The following CACNA1C variants were observed in gnomAD, a reference collection of about 807,000 sequenced individuals.
CACNA1C encodes the protein voltage-dependent L-type calcium channel subunit alpha-1C.
CACNA1C carries 30 observed loss-of-function variants against 229.0 expected under a neutral mutation model. That is an observed-to-expected ratio of 0.13 (90% CI 0.10 to 0.18). CACNA1C has a LOEUF of 0.18. Among genes scored for constraint, CACNA1C ranks in the 10% least tolerant of loss-of-function variants. CACNA1C has a pLI of 1.00. For synonymous variants in CACNA1C, 1,114 were observed against 1,132.5 expected, an observed-to-expected ratio of 0.98 and a Z score of 0.33; for missense variants, 1,658 against 2,845.0, an observed-to-expected ratio of 0.58 and a Z score of 9.49.
intron 1 of CACNA1C, among the ~76,000 whole-genome samples, chr12:2,103,817 C>T (rs1345516161): frequency 6.6e-6 from 1 of 152,174 alleles, no homozygotes; most frequent in African/African-American, 2.4e-5. Context: ...TTTCCAACAC[C>T]ATTTATTAAA....
rs757399637 is a variant in CACNA1C, at chr12:2,575,088, C to G, written c.1896-6502C>G. Among the ~76,000 whole-genome samples, 1 of 152,214 alleles carries G rather than the reference C, an allele frequency of 6.6e-6. No individual in the cohort carries two copies. Among genetic ancestry groups the G allele is most frequent in the African/African-American group, 2.4e-5 (1 of 41,454 alleles). ...CAGGTCCAGGCCAGACCACCTTGCC[C>G]GCTTGACCAGGTTACACTCCCCATG... On this transcript the variant is annotated intron_variant, in intron 13 of 46. Coordinates refer to ENST00000399655, the MANE Select transcript of CACNA1C (RefSeq NM_000719.7). This position sits in a 1 kb window ranked among gnomAD's most constrained non-coding sequence, Gnocchi z 4.0.
intron 34 of CACNA1C, among the ~76,000 whole-genome samples, chr12:2,664,331 G>C (rs1284743779): frequency 6.6e-6 from 1 of 152,154 alleles, no homozygotes; most frequent in East Asian, 1.9e-4. Context: ...GGAATATCTA[G>C]TAAAAATAAA....
intron 19 of CACNA1C, 45 bp downstream of exon 19, chr12:2,593,390 A>G (rs2066415043): frequency 6.2e-7 from 1 of 1,605,200 alleles, no homozygotes; most frequent in Non-Finnish European, 8.5e-7. Flanking sequence ...TCTCTCTAGT[A>G]CCAGCCTGGC....
chr12:2,292,116 C>T (rs1332216517), intron 3 of CACNA1C, among the ~76,000 whole-genome samples: 1 of 152,224 alleles, frequency 6.6e-6, no homozygotes, highest in Admixed American at 6.5e-5. Flanking sequence ...TGAAGCACTA[C>T]TAAGTGCCAG....
intron 3 of CACNA1C, among the ~76,000 whole-genome samples, chr12:2,253,888 ATTT>A (rs2076467863): frequency 2.6e-5 from 4 of 152,176 alleles, no homozygotes; most frequent in African/African-American, 9.7e-5. Flanking sequence ...CACATGCCTG[ATTT>A]ATGGGATCAC....
chr12:2,068,749 C>T (rs147603432), intron 1 of CACNA1C, among the ~76,000 whole-genome samples: 280 of 152,342 alleles, frequency 1.8e-3, no homozygotes, highest in African/African-American at 6.2e-3. Flanking sequence ...CATCTCACCC[C>T]GTCTGGCCTC....
chr12:2,548,085 TG>T (rs2099885161), intron 9 of CACNA1C, among the ~76,000 whole-genome samples: 1 of 134,380 alleles, frequency 7.4e-6, no homozygotes, highest in South Asian at 2.8e-4. Context: ...AAAAAACCTT[TG>T]GGCTGAGATG....
At position 2,072,222 on chromosome 12, in the gene CACNA1C, A is replaced by G. The variant is rs192452654; in HGVS notation, c.49+18611A>G. Among the ~76,000 whole-genome samples the G allele has an allele frequency of 4.3e-3, 658 of 151,962 alleles. 3 individuals are homozygous for G. The highest frequency in any genetic ancestry group is 7.2e-3 in the Non-Finnish European group (492 of 67,986). On this transcript the variant is annotated intron_variant, in intron 1 of 46. Transcript: ENST00000399655. ...AAAAAATATATATATATTTGGAAAC[A>G]GAGTCTCGCTGTGTCACCCAGGCTG...
At chr12:2,511,134 A>G (rs1425917634) in intron 8 of CACNA1C, among the ~76,000 whole-genome samples, 1 of 152,240 alleles carries the variant, frequency 6.6e-6, no homozygotes, top group African/African-American at 2.4e-5. Context: ...GATTCAATCA[A>G]ATTTAAGAAG....
chr12:2,500,214 G>C (rs2099756152), intron 7 of CACNA1C, among the ~76,000 whole-genome samples: 1 of 152,204 alleles, frequency 6.6e-6, no homozygotes, highest in Admixed American at 6.5e-5. Context: ...AAGCAGCAGT[G>C]TGGGACGGCG....
At chr12:2,446,235 G>A (rs74721125) in intron 3 of CACNA1C, among the ~76,000 whole-genome samples, 15,606 of 101,242 alleles carry the variant, frequency 0.15, 976 homozygotes, top group African/African-American at 0.27. Flanking sequence ...GGATGGATGG[G>A]TAGGTGGGTG....
intron 5 of CACNA1C, among the ~76,000 whole-genome samples, chr12:2,466,282 A>G (rs796413551): frequency 2.3e-4 from 35 of 152,286 alleles, no homozygotes; most frequent in African/African-American, 8.4e-4. Context: ...CAGATTTGCA[A>G]TCCCATCGTG....
intron 5 of CACNA1C, 117 bp from the exon 6 acceptor site, chr12:2,485,987 A>T: frequency 6.3e-6 from 5 of 788,686 alleles, no homozygotes; most frequent in Non-Finnish European, 9.6e-6. Flanking sequence ...CAGTCTTCTC[A>T]TCTAAACAAC....
chr12:2,431,755 C>A (rs950895928), intron 3 of CACNA1C, among the ~76,000 whole-genome samples: 2 of 152,132 alleles, frequency 1.3e-5, no homozygotes, highest in African/African-American at 4.8e-5. Flanking sequence ...TACTTCATTC[C>A]CCTGATGTTA....
At position 2,326,489 on chromosome 12, in the gene CACNA1C, C is replaced by T. The variant is rs377672931; in HGVS notation, c.478-122487C>T. On this transcript the variant is annotated intron_variant, in intron 3 of 46. Transcript: ENST00000399655. ...AGCTGGGCCCTGGAATGGAGATTCT[C>T]GAAAGTCCCAGGCTCCTTTCCCTGG... 3.9e-4 allele frequency among the ~76,000 whole-genome samples: 60 copies of T among 152,246 alleles called. No homozygotes were observed. The East Asian group carries it at 4.6e-3, about 12-fold the overall frequency.
chr12:2,059,434 C>T (rs570280120), intron 1 of CACNA1C, among the ~76,000 whole-genome samples: 6 of 152,142 alleles, frequency 3.9e-5, no homozygotes, highest in East Asian at 3.9e-4. Context: ...CCCTGGAAGC[C>T]GAGGGAACTA....
intron 1 of CACNA1C, among the ~76,000 whole-genome samples, chr12:2,077,670 GT>G (rs1456693751): frequency 6.6e-6 from 1 of 152,208 alleles, no homozygotes; most frequent in African/African-American, 2.4e-5. Flanking sequence ...GGAGGCAAGA[GT>G]TACGGCCTCA....
chr12:2,199,335 C>A (rs1194641516), intron 3 of CACNA1C, among the ~76,000 whole-genome samples: 1 of 152,100 alleles, frequency 6.6e-6, no homozygotes, highest in Non-Finnish European at 1.5e-5. Flanking sequence ...AAGACCAACC[C>A]CTCCCCTTCC....
intron 3 of CACNA1C, among the ~76,000 whole-genome samples, chr12:2,367,066 G>T (rs1427511758): frequency 2.0e-5 from 3 of 152,078 alleles, no homozygotes; most frequent in African/African-American, 7.2e-5. Context: ...GATTTGGGTG[G>T]GTACACAGAG....
Sources: gnomAD v4.1 joint callset for allele counts (sites outside exome capture counted in the v4.1 genomes callset) on GRCh38, gnomAD v4.1.1 for gene constraint, Gnocchi (gnomAD v3.1) non-coding constraint, MANE v1.5 for transcripts, NCBI Gene and HGNC (gene_info 2026-07-23, HGNC 2026-07-21) for gene names.